Variants in OSBPL10 observed in about 807,000 individuals in gnomAD.
OSBPL10 encodes the protein oxysterol binding protein like 10, also known as oxysterol-binding protein-related protein 10.
A neutral mutation model predicts 81.7 loss-of-function variants in OSBPL10; 49 were observed. The ratio of observed to expected loss-of-function variants is 0.60; its 90% confidence interval spans 0.48 to 0.76. The LOEUF (loss-of-function observed/expected upper bound fraction) is 0.76. OSBPL10 is among the 30% of genes least tolerant of loss of function. The pLI is 0.00. For synonymous variants in OSBPL10, 419 were observed against 383.6 expected (o/e 1.09, Z -1.08); for missense variants, 923 against 987.8 (o/e 0.93, Z 0.88).
At chr3:32,043,320 C>G (rs1699593904) in intron 2 of OSBPL10, among the ~76,000 whole-genome samples, 1 of 152,140 alleles carries the variant, frequency 6.6e-6, no homozygotes, top group African/African-American at 2.4e-5. Context: ...GCAGTCAGAC[C>G]TTATGGTTGT....
chr3:31,780,165 C>T (rs183511080), intron 4 of OSBPL10, among the ~76,000 whole-genome samples: 108 of 152,082 alleles, frequency 7.1e-4, no homozygotes, highest in African/African-American at 2.3e-3. Context: ...TGGTGGCAGG[C>T]GCCTGTAGTC....
chr3:32,010,140 A>AT (rs11303839), intron 2 of OSBPL10, among the ~76,000 whole-genome samples: 2,305 of 146,870 alleles, frequency 0.016, 41 homozygotes, highest in African/African-American at 0.035. Context: ...GAGGCTGCCC[A>AT]TTTTTTTTTT....
intron 1 of OSBPL10, among the ~76,000 whole-genome samples, chr3:31,930,665 T>C (rs1049436085): frequency 2.0e-5 from 3 of 152,070 alleles, no homozygotes; most frequent in African/African-American, 7.2e-5. Flanking sequence ...TCTCCTTCTA[T>C]GGAATGATCT....
intron 1 of OSBPL10, among the ~76,000 whole-genome samples, chr3:32,057,700 T>C (rs28550203): frequency 0.041 from 6,247 of 152,182 alleles, 360 homozygotes; most frequent in African/African-American, 0.12. Context: ...TCCTTTGACT[T>C]GTGGGGGTTA....
At chr3:31,799,986 G>C (rs563760210) in intron 4 of OSBPL10, among the ~76,000 whole-genome samples, 83 of 152,288 alleles carry the variant, frequency 5.5e-4, no homozygotes, top group African/African-American at 2.0e-3. Context: ...GGGATTACAG[G>C]CATGAGCCAC....
chr3:31,668,120 A>T (rs866995304), intron 10 of OSBPL10, among the ~76,000 whole-genome samples: 1 of 152,238 alleles, frequency 6.6e-6, no homozygotes, highest in Non-Finnish European at 1.5e-5. Flanking sequence ...CTGAGAACAG[A>T]TTCTTAGAAG....
chr3:32,073,356 C>A lies in OSBPL10; in HGVS notation n.185+4040G>T, dbSNP rs934382221. Among the ~76,000 whole-genome samples, 14 of 152,250 alleles carry A rather than the reference C, an allele frequency of 9.2e-5. No individual in the cohort carries two copies. In the South Asian group the frequency reaches 2.9e-3, roughly 32 times the overall value. On this transcript the variant is annotated intron_variant and non_coding_transcript_variant, in intron 1 of 3. Coordinates refer to the OSBPL10 transcript ENST00000479173. ...AGTTCTTGTTAAGAATCTGACCCCT[C>A]AAACTCTACAACCTCGATGGACAGG...
chr3:31,933,962 A>C (rs1444458143), intron 1 of OSBPL10, among the ~76,000 whole-genome samples: 1 of 152,074 alleles, frequency 6.6e-6, no homozygotes, highest in East Asian at 1.9e-4. Flanking sequence ...GAAATTAAAC[A>C]TCTCTGATAG....
At chr3:31,749,316 G>A (rs1374893224) in intron 4 of OSBPL10, among the ~76,000 whole-genome samples, 1 of 152,132 alleles carries the variant, frequency 6.6e-6, no homozygotes, top group Non-Finnish European at 1.5e-5. Flanking sequence ...ACTTCAAAAC[G>A]ATGTTTTTAA....
chr3:32,052,580 A>T (rs939712260), intron 1 of OSBPL10, among the ~76,000 whole-genome samples: 7 of 152,128 alleles, frequency 4.6e-5, no homozygotes, highest in African/African-American at 1.4e-4. Flanking sequence ...TAGACTAGAT[A>T]AAAAAAATGT....
chr3:31,888,905 C>G (rs1056074779), intron 1 of OSBPL10, among the ~76,000 whole-genome samples: 1 of 152,086 alleles, frequency 6.6e-6, no homozygotes, highest in African/African-American at 2.4e-5. Context: ...GCCTGGGTGA[C>G]AGAGTGAGAC....
Position 31,965,765 on chromosome 3 carries a change from G to GATATATTATCTATTTAT in OSBPL10, c.281+15133_281+15134insATAAATAGATAATATAT, listed in dbSNP as rs1446823965. ...TTATATAATATATATTATATTAAAA[G>GATATATTATCTATTTAT]ATAATATATATTATATAAATAGATA... On this transcript the variant is annotated intron_variant, in intron 1 of 11. Coordinates refer to ENST00000396556, the MANE Select transcript of OSBPL10 (RefSeq NM_017784.5). Among the ~76,000 whole-genome samples, 23 of 45,498 alleles carry GATATATTATCTATTTAT rather than the reference G, an allele frequency of 5.1e-4. 2 individuals are homozygous for GATATATTATCTATTTAT. Among genetic ancestry groups the GATATATTATCTATTTAT allele is most frequent in the Non-Finnish European group, 6.7e-4 (19 of 28,164 alleles). 29.8% of individuals were successfully genotyped at this position (45,498 alleles called of 152,430 possible). A position where few individuals can be genotyped will look rare whatever the true frequency, so the allele number is the denominator to read the frequency against.
chr3:31,948,972 G>A (rs747754510), intron 1 of OSBPL10, among the ~76,000 whole-genome samples: 1 of 152,166 alleles, frequency 6.6e-6, no homozygotes, highest in African/African-American at 2.4e-5. Context: ...AGAGAAAAGG[G>A]AGCAGGTGTT....
chr3:31,912,954 T>G (rs1409742220), intron 1 of OSBPL10, among the ~76,000 whole-genome samples: 1 of 152,216 alleles, frequency 6.6e-6, no homozygotes, highest in African/African-American at 2.4e-5. Flanking sequence ...CTAGTTGTAT[T>G]GTTAAGTAAG....
intron 2 of OSBPL10, among the ~76,000 whole-genome samples, chr3:31,996,112 C>T (rs371465809): frequency 6.6e-5 from 10 of 152,156 alleles, no homozygotes; most frequent in African/African-American, 1.9e-4. Flanking sequence ...GCCATTTAAA[C>T]GGCAGTTTTA....
chr3:31,792,071 C>A (rs1264425765), intron 4 of OSBPL10, among the ~76,000 whole-genome samples: 1 of 151,408 alleles, frequency 6.6e-6, no homozygotes, highest in African/African-American at 2.4e-5. Flanking sequence ...CATAGCAAGA[C>A]AAAAAAAATT....
intron 1 of OSBPL10, among the ~76,000 whole-genome samples, chr3:32,075,200 C>A (rs1699863766): frequency 6.6e-6 from 1 of 152,224 alleles, no homozygotes; most frequent in South Asian, 2.1e-4. Context: ...CCCAGGTTGA[C>A]CCTTTAGCTG....
At chr3:31,724,497 C>T (rs1696747850) in intron 6 of OSBPL10, among the ~76,000 whole-genome samples, 1 of 152,106 alleles carries the variant, frequency 6.6e-6, no homozygotes, top group East Asian at 1.9e-4. Flanking sequence ...CTGGCCATAG[C>T]AAAGGCATGA....
intron 1 of OSBPL10, among the ~76,000 whole-genome samples, chr3:31,902,258 A>AT (rs574112153): frequency 0.12 from 14,139 of 117,848 alleles, 1,133 homozygotes; most frequent in African/African-American, 0.19. Flanking sequence ...TCTTGTCAGT[A>AT]TTTTTTTTTT....
Sources: gnomAD v4.1 joint callset for allele counts (sites outside exome capture counted in the v4.1 genomes callset) on GRCh38, gnomAD v4.1.1 for gene constraint, MANE v1.5 for transcripts, NCBI Gene and HGNC (gene_info 2026-07-23, HGNC 2026-07-21) for gene names.